The following MYO10 variants were observed in gnomAD, a reference collection of about 807,000 sequenced individuals.
MYO10 encodes the protein myosin X.
MYO10 carries 133 observed loss-of-function variants against 257.3 expected under a neutral mutation model. The ratio of observed to expected loss-of-function variants is 0.52; its 90% confidence interval spans 0.45 to 0.60. The LOEUF is 0.60. Ranked by LOEUF, MYO10 falls within the 20% of genes least tolerant of loss-of-function variation. MYO10 has a pLI of 0.00. For missense variants in MYO10, 2,399 were observed against 2,635.7 expected (o/e 0.91, Z 1.97); for synonymous variants, 1,104 against 1,028.6 (o/e 1.07, Z -1.40).
At chr5:16,685,716 A>G in intron 29 of MYO10, 22 bp downstream of exon 29, 1 of 877,028 alleles carries the variant, frequency 1.1e-6, no homozygotes, top group South Asian at 1.5e-5. Flanking sequence ...CCCCACCCCC[A>G]TCCCACACAG....
intron 30 of MYO10, 55 bp from the exon 31 acceptor site, chr5:16,682,068 C>A: frequency 6.3e-7 from 1 of 1,579,010 alleles, no homozygotes; most frequent in Non-Finnish European, 8.6e-7. Flanking sequence ...GTCAGCATCA[C>A]CTCTGTGTGA....
At chr5:16,710,463 A>G (rs2288440) in intron 21 of MYO10, among the ~76,000 whole-genome samples, 52,842 of 152,010 alleles carry the variant, frequency 0.35, 9,729 homozygotes, top group East Asian at 0.46. Flanking sequence ...TGACAACCAG[A>G]AGGATTTCAG....
At chr5:16,838,542 CCACAA>C (rs1327652956) in intron 2 of MYO10, among the ~76,000 whole-genome samples, 1 of 152,170 alleles carries the variant, frequency 6.6e-6, no homozygotes, top group Admixed American at 6.5e-5. Context: ...GAAGCCGTCT[CCACAA>C]CACAAAAGAG....
intron 15 of MYO10, 92 bp from the exon 16 acceptor site, chr5:16,762,205 G>A: frequency 7.3e-7 from 1 of 1,375,160 alleles, no homozygotes; most frequent in East Asian, 2.6e-5. Flanking sequence ...AAATACAAAA[G>A]ACAGTGAAAA....
chr5:16,712,452 C>A (rs1439949613), intron 19 of MYO10, among the ~76,000 whole-genome samples: 1 of 152,126 alleles, frequency 6.6e-6, no homozygotes, highest in East Asian at 1.9e-4. Flanking sequence ...CACCCGTGTT[C>A]CCTTTAATTA....
intron 9 of MYO10, among the ~76,000 whole-genome samples, chr5:16,778,338 A>G (rs1741285846): frequency 6.6e-6 from 1 of 152,166 alleles, no homozygotes; most frequent in Non-Finnish European, 1.5e-5. Context: ...CAGGATGACT[A>G]ATGCTCACGC....
At chr5:16,830,952 CAG>C (rs1210725745) in intron 2 of MYO10, among the ~76,000 whole-genome samples, 1 of 152,100 alleles carries the variant, frequency 6.6e-6, no homozygotes, top group Non-Finnish European at 1.5e-5. Context: ...TGAAGGGCAA[CAG>C]GAGGGTCCTG....
intron 3 of MYO10, among the ~76,000 whole-genome samples, chr5:16,813,174 C>G (rs1056439663): frequency 1.3e-5 from 2 of 151,966 alleles, no homozygotes; most frequent in Non-Finnish European, 2.9e-5. Context: ...AACATCCAGA[C>G]GCCAGCAGGG....
intron 19 of MYO10, among the ~76,000 whole-genome samples, chr5:16,717,512 C>A (rs565655854): frequency 2.0e-5 from 3 of 152,144 alleles, no homozygotes; most frequent in Non-Finnish European, 2.9e-5. Context: ...TTAAGGGCCA[C>A]GACCACATCG....
intron 27 of MYO10, 65 bp downstream of exon 27, chr5:16,694,306 G>T: frequency 6.2e-7 from 1 of 1,603,022 alleles, no homozygotes. Context: ...GCACAGCATG[G>T]CTCTATGACC....
chr5:16,907,022 G>C (rs1031022699), intron 1 of MYO10, among the ~76,000 whole-genome samples: 16 of 152,120 alleles, frequency 1.1e-4, no homozygotes, highest in Admixed American at 6.6e-5. Context: ...GCTGAGGCAG[G>C]AGAATCACTT....
intron 2 of MYO10, among the ~76,000 whole-genome samples, chr5:16,823,344 C>T (rs1407865374): frequency 7.1e-6 from 1 of 141,332 alleles, no homozygotes; most frequent in East Asian, 2.2e-4. Flanking sequence ...AATCAAGAGG[C>T]TGAGGCATGA....
chr5:16,757,197 G>C (rs1310248069), intron 18 of MYO10, among the ~76,000 whole-genome samples: 1 of 150,996 alleles, frequency 6.6e-6, no homozygotes, highest in Non-Finnish European at 1.5e-5. Flanking sequence ...GGCTGAGGGG[G>C]GAGAATCACT....
At chr5:16,723,397 G>C (rs1050988619) in intron 19 of MYO10, among the ~76,000 whole-genome samples, 18 of 151,356 alleles carry the variant, frequency 1.2e-4, no homozygotes, top group African/African-American at 4.1e-4. Flanking sequence ...CAAAAAAAAA[G>C]AAAAAAAATT....
chr5:16,893,078 T>C (rs1256909005), intron 1 of MYO10, among the ~76,000 whole-genome samples: 3 of 150,544 alleles, frequency 2.0e-5, no homozygotes, highest in Admixed American at 6.7e-5. Context: ...GCGCCTGTAG[T>C]CCCAGCTACT....
At chr5:16,823,851 T>G (rs977765602) in intron 2 of MYO10, among the ~76,000 whole-genome samples, 1 of 151,970 alleles carries the variant, frequency 6.6e-6, no homozygotes, top group Non-Finnish European at 1.5e-5. Context: ...TAACAAGATG[T>G]TTTTCTAAAA....
chr5:16,823,496 G>A (rs1387281326), intron 2 of MYO10, among the ~76,000 whole-genome samples: 2 of 25,738 alleles, frequency 7.8e-5, no homozygotes, highest in African/African-American at 1.3e-4. Flanking sequence ...TTGTGAGACA[G>A]AGTCTCACTC....
chr5:16,895,762 A>ACACACACG (rs1321215577), intron 1 of MYO10, among the ~76,000 whole-genome samples: 1 of 57,866 alleles, frequency 1.7e-5, no homozygotes, highest in African/African-American at 4.4e-5. Flanking sequence ...CAACACACAC[A>ACACACACG]CACACACACA....
intron 14 of MYO10, 67 bp from the exon 15 acceptor site, chr5:16,762,704 C>T (rs559841043): frequency 6.5e-5 from 79 of 1,206,980 alleles, no homozygotes; most frequent in East Asian, 1.5e-4. Flanking sequence ...TAGCTCATGC[C>T]TGTAATTCCA....
Sources: gnomAD v4.1 joint callset for allele counts (sites outside exome capture counted in the v4.1 genomes callset) on GRCh38, gnomAD v4.1.1 for gene constraint, MANE v1.5 for transcripts, NCBI Gene and HGNC (gene_info 2026-07-23, HGNC 2026-07-21) for gene names.